Variants in MACROD2 observed in about 807,000 individuals in gnomAD.
MACROD2 encodes the protein mono-ADP ribosylhydrolase 2, also known as ADP-ribose glycohydrolase MACROD2.
A neutral mutation model predicts 70.4 loss-of-function variants in MACROD2; 36 were observed. That is an observed-to-expected ratio of 0.51 (90% CI 0.39 to 0.68). MACROD2 has a LOEUF of 0.68. Ranked by LOEUF, MACROD2 falls within the 30% of genes least tolerant of loss-of-function variation. The pLI is 0.00. For missense variants in MACROD2, 496 were observed against 538.4 expected, an observed-to-expected ratio of 0.92 and a Z score of 0.78; for synonymous variants, 172 against 178.8, an observed-to-expected ratio of 0.96 and a Z score of 0.30.
intron 6 of MACROD2, among the ~76,000 whole-genome samples, chr20:15,240,524 A>G (rs1333955486): frequency 6.6e-6 from 1 of 152,194 alleles, no homozygotes; most frequent in African/African-American, 2.4e-5. Flanking sequence ...CCACTGCACT[A>G]CAGCCTCAGT....
At chr20:14,402,559 G>T (rs577508645) in intron 3 of MACROD2, among the ~76,000 whole-genome samples, 5 of 152,162 alleles carry the variant, frequency 3.3e-5, no homozygotes, top group African/African-American at 1.2e-4. Context: ...GTGTATGTCT[G>T]TGGGGTTTTG....
chr20:15,563,026 C>T (rs2048265171), intron 8 of MACROD2, among the ~76,000 whole-genome samples: 1 of 152,138 alleles, frequency 6.6e-6, no homozygotes, highest in Admixed American at 6.5e-5. Flanking sequence ...CAACAGCTTC[C>T]CCTTTATTCC....
chr20:15,488,566 T>C (rs112523837), intron 7 of MACROD2, among the ~76,000 whole-genome samples: 2 of 152,146 alleles, frequency 1.3e-5, no homozygotes, highest in Non-Finnish European at 2.9e-5. Context: ...ATTTTGCCCA[T>C]AGTGCAGAGG....
At chr20:15,762,074 G>A (rs2051444622) in intron 8 of MACROD2, among the ~76,000 whole-genome samples, 1 of 152,138 alleles carries the variant, frequency 6.6e-6, no homozygotes, top group Admixed American at 6.5e-5. Flanking sequence ...AATTGAGTAT[G>A]CCAATTTTGA....
At chr20:14,560,834 C>T (rs1189804932) in intron 4 of MACROD2, among the ~76,000 whole-genome samples, 4 of 151,780 alleles carry the variant, frequency 2.6e-5, no homozygotes, top group African/African-American at 9.7e-5. Flanking sequence ...AGTAAATAAA[C>T]TAATAAAATA....
chr20:14,779,183 A>T (rs2072269166), intron 5 of MACROD2, among the ~76,000 whole-genome samples: 1 of 152,110 alleles, frequency 6.6e-6, no homozygotes, highest in South Asian at 2.1e-4. Context: ...GAGTGTACAT[A>T]CAGCAATTTG....
At chr20:15,308,413 T>C (rs1258396158) in intron 6 of MACROD2, among the ~76,000 whole-genome samples, 2 of 152,216 alleles carry the variant, frequency 1.3e-5, no homozygotes, top group Admixed American at 6.5e-5. Flanking sequence ...GGATTAGCCA[T>C]ATTTAACTTT....
chr20:14,391,091 A>G (rs1224475599), intron 3 of MACROD2, among the ~76,000 whole-genome samples: 1 of 152,194 alleles, frequency 6.6e-6, no homozygotes, highest in Non-Finnish European at 1.5e-5. Context: ...AGAGACAGAA[A>G]TACCATTTGA....
intron 4 of MACROD2, among the ~76,000 whole-genome samples, chr20:14,518,972 G>A (rs2085134688): frequency 6.6e-6 from 1 of 152,120 alleles, no homozygotes; most frequent in Non-Finnish European, 1.5e-5. Context: ...ACTGAAAATT[G>A]CATATATGTG....
At position 14,136,620 on chromosome 20, in the gene MACROD2, C is replaced by T. The variant is rs534540888; in HGVS notation, c.271+50892C>T. On this transcript the variant is annotated intron_variant, in intron 3 of 17. Transcript: ENST00000684519. ...ATTCAGACCTACTGCTTCAAAAACT[C>T]AGGGTGGGTCACAGTAAATTGTGTT... Among the ~76,000 whole-genome samples the T allele has an allele frequency of 2.0e-5, 3 of 152,236 alleles. No individual in the cohort carries two copies. In the East Asian group the frequency reaches 5.8e-4, roughly 29 times the overall value.
chr20:15,967,376 ATAG>A (rs1276457814), intron 12 of MACROD2, among the ~76,000 whole-genome samples, 174 bp from the exon 13 acceptor site: 1 of 152,028 alleles, frequency 6.6e-6, no homozygotes, highest in African/African-American at 2.4e-5. Flanking sequence ...GATATCTCAC[ATAG>A]TATGGGGGGA....
At chr20:14,647,895 A>T (rs552204568) in intron 4 of MACROD2, among the ~76,000 whole-genome samples, 2 of 152,200 alleles carry the variant, frequency 1.3e-5, no homozygotes, top group African/African-American at 4.8e-5. Context: ...GGGCAACACC[A>T]TATTTTTCTC....
chr20:15,503,110 G>A (rs6043333), intron 8 of MACROD2, among the ~76,000 whole-genome samples: 130,264 of 152,228 alleles, frequency 0.86, 56,138 homozygotes, highest in East Asian at 0.98. Context: ...AGTAATGTCT[G>A]TTATAAATGT....
At chr20:14,263,256 T>C (rs2082115364) in intron 3 of MACROD2, among the ~76,000 whole-genome samples, 1 of 152,160 alleles carries the variant, frequency 6.6e-6, no homozygotes, top group South Asian at 2.1e-4. Flanking sequence ...ATGCAAATAA[T>C]TTGTTAATAG....
At chr20:14,604,866 A>G (rs959367533) in intron 4 of MACROD2, among the ~76,000 whole-genome samples, 2 of 152,206 alleles carry the variant, frequency 1.3e-5, no homozygotes, top group African/African-American at 4.8e-5. Flanking sequence ...ATGACTAAGA[A>G]GATACCTTCA....
At chr20:15,112,954 G>GTGTGTGTGTGTGTGTGTT (rs1470489006) in intron 5 of MACROD2, among the ~76,000 whole-genome samples, 2 of 137,482 alleles carry the variant, frequency 1.5e-5, no homozygotes, top group Non-Finnish European at 3.1e-5. Context: ...ATTTCACTGT[G>GTGTGTGTGTGTGTGTGTT]TGTGTGTGTG....
intron 5 of MACROD2, among the ~76,000 whole-genome samples, chr20:15,149,383 G>A (rs1306949029): frequency 6.6e-6 from 1 of 152,008 alleles, no homozygotes; most frequent in Admixed American, 6.5e-5. Context: ...AGTGTGATCA[G>A]GGTGAGGAAC....
intron 4 of MACROD2, among the ~76,000 whole-genome samples, chr20:14,593,196 TC>T (rs1310512698): frequency 3.3e-5 from 5 of 152,208 alleles, no homozygotes; most frequent in African/African-American, 1.2e-4. Flanking sequence ...TTTATCTTAA[TC>T]TACATATACT....
At chr20:14,668,856 AAGG>A (rs1385197018) in intron 4 of MACROD2, among the ~76,000 whole-genome samples, 45 of 152,276 alleles carry the variant, frequency 3.0e-4, no homozygotes, top group Admixed American at 2.9e-3. Context: ...TTTAAACAAA[AAGG>A]AGTAAAATTT....
Sources: gnomAD v4.1 joint callset for allele counts (sites outside exome capture counted in the v4.1 genomes callset) on GRCh38, gnomAD v4.1.1 for gene constraint, MANE v1.5 for transcripts, NCBI Gene and HGNC (gene_info 2026-07-23, HGNC 2026-07-21) for gene names.